TCF7L1: variants seen among roughly 807,000 people sequenced by gnomAD.
The protein encoded by TCF7L1 is transcription factor 7-like 1.
TCF7L1 carries 18 observed loss-of-function variants against 63.7 expected under a neutral mutation model. The ratio of observed to expected loss-of-function variants is 0.28; its 90% CI spans 0.20 to 0.42. The LOEUF (loss-of-function observed/expected upper bound fraction) is 0.42, where lower values mean the gene tolerates loss of function less well. Among genes scored for constraint, TCF7L1 ranks in the 10% least tolerant of loss-of-function variants. TCF7L1 has a pLI of 1.00. For synonymous variants in TCF7L1, 355 were observed against 340.9 expected, an observed-to-expected ratio of 1.04 and a Z score of -0.46; for missense variants, 654 against 779.3, an observed-to-expected ratio of 0.84 and a Z score of 1.91.
chr2:85,154,058 T>C (rs146644827), intron 3 of TCF7L1, among the ~76,000 whole-genome samples: 40 of 152,326 alleles, frequency 2.6e-4, no homozygotes, highest in African/African-American at 9.4e-4. Flanking sequence ...ATTGAGGCTG[T>C]ACATCCTTTA....
intron 3 of TCF7L1, among the ~76,000 whole-genome samples, chr2:85,281,418 C>A (rs190593864): frequency 6.6e-6 from 1 of 152,304 alleles, no homozygotes; most frequent in African/African-American, 2.4e-5. Flanking sequence ...AATGCTTTGA[C>A]AAGTGCAAAT....
At chr2:85,293,376 C>T (rs545141105) in intron 4 of TCF7L1, among the ~76,000 whole-genome samples, 1 of 152,160 alleles carries the variant, frequency 6.6e-6, no homozygotes, top group Non-Finnish European at 1.5e-5. Flanking sequence ...GACCTCCCCC[C>T]ACTCTTTCTG....
At chr2:85,230,041 G>A (rs1413353201) in intron 3 of TCF7L1, among the ~76,000 whole-genome samples, 1 of 152,138 alleles carries the variant, frequency 6.6e-6, no homozygotes, top group Non-Finnish European at 1.5e-5. Flanking sequence ...TCCACTTTCT[G>A]CCAGACCTTT....
intron 3 of TCF7L1, among the ~76,000 whole-genome samples, chr2:85,268,849 C>G (rs1224837329): frequency 6.6e-6 from 1 of 151,230 alleles, no homozygotes; most frequent in Non-Finnish European, 1.5e-5. Flanking sequence ...TGGCTGTGAG[C>G]TGGAAAGTCA....
intron 3 of TCF7L1, among the ~76,000 whole-genome samples, chr2:85,140,926 GAA>G (rs1353467014): frequency 2.6e-5 from 4 of 152,078 alleles, no homozygotes; most frequent in Non-Finnish European, 5.9e-5. Context: ...AAGAGAGAAA[GAA>G]AAGAGAGTGT....
chr2:85,187,320 C>T (rs895016321), intron 3 of TCF7L1: 5 of 152,222 alleles, frequency 3.3e-5, no homozygotes, highest in Non-Finnish European at 4.4e-5. Context: ...TGTCTAATAG[C>T]GGAATTTCAG....
chr2:85,202,077 C>T (rs1188599981), intron 3 of TCF7L1, among the ~76,000 whole-genome samples: 1 of 152,086 alleles, frequency 6.6e-6, no homozygotes, highest in East Asian at 1.9e-4. Flanking sequence ...ATTCTCCTGC[C>T]TTAGCCTTCT....
rs532777569 is a variant in TCF7L1 at position 85,166,040 on chromosome 2, T to G, written c.441+31590T>G. The stretch of plus-strand genomic sequence containing the variant: ...TACAGAGCTGTTTTATGGAACTTAT[T>G]TTAAAACTTGATCGGGAGGCAAATG... On this transcript the variant is annotated intron_variant, in intron 3 of 11. Transcript: ENST00000282111. Among the ~76,000 whole-genome samples, 14 of 152,356 alleles carry G rather than the reference T, an allele frequency of 9.2e-5. 1 individual carries two copies. The East Asian group carries it at 2.5e-3, about 27-fold the overall frequency.
chr2:85,301,346 G>T (rs552769281), intron 4 of TCF7L1, among the ~76,000 whole-genome samples: 1 of 152,162 alleles, frequency 6.6e-6, no homozygotes. Flanking sequence ...TGGAATGGGG[G>T]TAATCACAGC....
intron 3 of TCF7L1, among the ~76,000 whole-genome samples, chr2:85,252,370 C>T (rs1399273683): frequency 6.6e-6 from 1 of 152,212 alleles, no homozygotes; most frequent in East Asian, 1.9e-4. Context: ...TACGTGGTCT[C>T]GGGCAGTTAT....
At chr2:85,295,646 A>G (rs1460651474) in intron 4 of TCF7L1, among the ~76,000 whole-genome samples, 3 of 152,022 alleles carry the variant, frequency 2.0e-5, no homozygotes, top group Non-Finnish European at 4.4e-5. Context: ...TCTTTTCTGA[A>G]AAGTTTGAGA....
intron 3 of TCF7L1, among the ~76,000 whole-genome samples, chr2:85,151,080 T>C (rs1399071307): frequency 6.6e-6 from 1 of 152,220 alleles, no homozygotes. Context: ...AACAGGTTTA[T>C]TTTCTCTGAA....
intron 3 of TCF7L1, among the ~76,000 whole-genome samples, chr2:85,196,042 G>T (rs979651721): frequency 6.6e-6 from 1 of 152,128 alleles, no homozygotes; most frequent in African/African-American, 2.4e-5. Context: ...AGCCCAGTCT[G>T]CACCCACAAT....
intron 3 of TCF7L1, among the ~76,000 whole-genome samples, chr2:85,259,611 C>G (rs1573014108): frequency 6.6e-6 from 1 of 152,062 alleles, no homozygotes; most frequent in Non-Finnish European, 1.5e-5. Flanking sequence ...TAAAGAGAGC[C>G]GTGGGATAAT....
chr2:85,141,767 G>C (rs1386446843), intron 3 of TCF7L1, among the ~76,000 whole-genome samples: 3 of 152,212 alleles, frequency 2.0e-5, no homozygotes, highest in Non-Finnish European at 4.4e-5. Context: ...GTGCTGTATA[G>C]TAGGTGTCCC....
At chr2:85,196,178 G>A (rs901781643) in intron 3 of TCF7L1, among the ~76,000 whole-genome samples, 5 of 152,334 alleles carry the variant, frequency 3.3e-5, no homozygotes, top group Non-Finnish European at 5.9e-5. Flanking sequence ...TCCTAAACTC[G>A]GGACAGGAGT....
intron 3 of TCF7L1, among the ~76,000 whole-genome samples, chr2:85,266,195 C>T (rs1680968463): frequency 6.6e-6 from 1 of 152,206 alleles, no homozygotes; most frequent in African/African-American, 2.4e-5. Context: ...CTATTATAAA[C>T]AGCTCTTCAG....
intron 3 of TCF7L1, among the ~76,000 whole-genome samples, chr2:85,248,956 C>G (rs906843627): frequency 6.6e-6 from 1 of 151,940 alleles, no homozygotes; most frequent in Non-Finnish European, 1.5e-5. Context: ...TGTGGGTGCT[C>G]CATAAATACT....
Position 85,305,965 on chromosome 2 carries a change from T to C in TCF7L1, c.990-241T>C, listed in dbSNP as rs146030631. Among the ~76,000 whole-genome samples, 175 of 152,290 alleles carry C rather than the reference T, an allele frequency of 1.1e-3. 1 individual carries two copies. Among genetic ancestry groups the C allele is most frequent in the African/African-American group, 4.0e-3 (168 of 41,570 alleles). The stretch of plus-strand genomic sequence containing the variant: ...ATCTCAGCAACCCCACCATGCTCTG[T>C]TCCTCTGTCAGGAAATTGGAGAGTA... On this transcript the variant is annotated intron_variant, in intron 8 of 11. Coordinates refer to ENST00000282111, the MANE Select transcript of TCF7L1 (RefSeq NM_031283.3).
Sources: allele counts gnomAD v4.1 joint callset (sites outside exome capture counted in the v4.1 genomes callset), GRCh38; gene constraint gnomAD v4.1.1; transcripts MANE v1.5; gene names NCBI Gene and HGNC (gene_info 2026-07-23, HGNC 2026-07-21).